The following PDK3 variants were observed in gnomAD, a reference collection of about 807,000 sequenced individuals.
PDK3 encodes pyruvate dehydrogenase kinase 3, also known as pyruvate dehydrogenase kinase, isozyme 3.
A neutral mutation model predicts 32.0 loss-of-function variants in PDK3; 12 were observed. That is an observed-to-expected ratio of 0.37 (90% confidence interval 0.24 to 0.61). The LOEUF (loss-of-function observed/expected upper bound fraction) is 0.61, where lower values mean the gene tolerates loss of function less well. Ranked by LOEUF, PDK3 falls within the 20% of genes least tolerant of loss-of-function variation. The probability of loss-of-function intolerance (pLI) is 0.65; values close to 1 mark genes in which losing one functional copy is unlikely to be tolerated. For synonymous variants in PDK3, 122 were observed against 116.3 expected, an observed-to-expected ratio of 1.05 and a Z score of -0.31; for missense variants, 188 against 316.9, an observed-to-expected ratio of 0.59 and a Z score of 3.09.
intron 5 of PDK3, among the ~76,000 whole-genome samples, chrX:24,506,797 C>CCTTCTTT (rs1921989174): frequency 4.0e-5 from 2 of 49,861 alleles, no homozygotes; most frequent in Admixed American, 2.2e-4. Flanking sequence ...TTGTTTTTTT[C>CCTTCTTT]TTTCTTTTTT....
At chrX:24,477,296 T>C (rs1206892912) in intron 1 of PDK3, among the ~76,000 whole-genome samples, 1 of 111,909 alleles carries the variant, frequency 8.9e-6, no homozygotes, top group Non-Finnish European at 1.9e-5. Context: ...TTGGGTTTTT[T>C]GTCTGCTTTT....
intron 1 of PDK3, among the ~76,000 whole-genome samples, chrX:24,483,736 A>G (rs948805061): frequency 4.5e-5 from 5 of 111,665 alleles, no homozygotes; most frequent in Non-Finnish European, 9.4e-5. Flanking sequence ...TATGTGACAC[A>G]GGCTCTCACT....
chrX:24,538,893 T>G (rs947516043), downstream of PDK3, among the ~76,000 whole-genome samples: 5 of 112,172 alleles, frequency 4.5e-5, no homozygotes, highest in African/African-American at 1.6e-4. Context: ...AACCTCATAG[T>G]TTTTAGCAGT....
At chrX:24,479,836 C>G (rs1921206768) in intron 1 of PDK3, among the ~76,000 whole-genome samples, 1 of 110,994 alleles carries the variant, frequency 9.0e-6, no homozygotes, top group African/African-American at 3.3e-5. Flanking sequence ...GAAAAAGATT[C>G]AATAGATTCG....
chrX:24,484,300 T>A (rs1921343655), intron 1 of PDK3, among the ~76,000 whole-genome samples: 1 of 111,905 alleles, frequency 8.9e-6, no homozygotes, highest in Non-Finnish European at 1.9e-5. Flanking sequence ...TGAGCCACCA[T>A]GCCCAGCCAG....
At chrX:24,524,625 C>T (rs1216095032) in intron 6 of PDK3, among the ~76,000 whole-genome samples, 1 of 111,428 alleles carries the variant, frequency 9.0e-6, no homozygotes, top group Non-Finnish European at 1.9e-5. Context: ...GTTATAATGT[C>T]ACCAACACTT....
exon 12 of PDK3, among the ~76,000 whole-genome samples, chrX:24,543,497 T>G (rs945505787): frequency 2.7e-5 from 3 of 111,519 alleles, no homozygotes; most frequent in African/African-American, 9.8e-5. Flanking sequence ...TCACCCAGGC[T>G]GGAGTGCAGT....
chrX:24,484,845 C>CCT (rs56683164), intron 1 of PDK3, among the ~76,000 whole-genome samples: 2,226 of 105,294 alleles, frequency 0.021, 56 homozygotes, highest in South Asian at 0.2. Context: ...CATCCCTATT[C>CCT]CTCTCTCTCT....
In PDK3 at chrX:24,531,731, C is replaced by T; in HGVS notation, c.1038C>T (p.Ser346=). 8.4e-7 allele frequency: 1 copy of T among 1,186,328 alleles called. No individual in the cohort carries two copies. The highest frequency in any genetic ancestry group is 1.1e-6 in the Non-Finnish European group (1 of 872,732). ...RYFQGDLKLY[S]MEGVGTDAVI... ...TTCAAGGAGATCTGAAACTGTATTC[C>T]ATGGAAGGAGTGGGTACTGATGCTG... The change falls in exon 10 of 11, where the codon TCC becomes TCT. Residue 346 remains serine, a synonymous_variant. Transcript: ENST00000379162.
chrX:24,544,236 C>T (rs1055364411), exon 12 of PDK3, among the ~76,000 whole-genome samples: 1 of 111,079 alleles, frequency 9.0e-6, no homozygotes, highest in African/African-American at 3.3e-5. Context: ...ATCCTCTGCC[C>T]TGGGGGTGGC....
intron 9 of PDK3, among the ~76,000 whole-genome samples, chrX:24,529,874 CTTT>C (rs1922610835): frequency 1.8e-5 from 2 of 112,126 alleles, no homozygotes; most frequent in Admixed American, 9.4e-5. Context: ...ACTTTTACAC[CTTT>C]TACACCTCTG....
At chrX:24,466,666 A>T (rs776751441) in intron 1 of PDK3, among the ~76,000 whole-genome samples, 1 of 110,737 alleles carries the variant, frequency 9.0e-6, no homozygotes, top group South Asian at 3.9e-4. Context: ...GGAAGAGAGG[A>T]ATAGGTTAAA....
chrX:24,485,664 A>G (rs1237922834), intron 1 of PDK3, among the ~76,000 whole-genome samples: 1 of 112,127 alleles, frequency 8.9e-6, no homozygotes, highest in Non-Finnish European at 1.9e-5. Flanking sequence ...CCTATCGGCA[A>G]GGTAAAGGAC....
At chrX:24,501,325 A>G (rs1477101356) in intron 3 of PDK3, among the ~76,000 whole-genome samples, 1 of 112,853 alleles carries the variant, frequency 8.9e-6, no homozygotes, top group Non-Finnish European at 1.9e-5. Context: ...GTCCATCTTC[A>G]GATAGTTCAT....
At chrX:24,524,192 A>G (rs1203233225) in intron 6 of PDK3, among the ~76,000 whole-genome samples, 1 of 112,348 alleles carries the variant, frequency 8.9e-6, no homozygotes, top group African/African-American at 3.2e-5. Context: ...TGCATCTAAG[A>G]AAGGGGAAAA....
At chrX:24,537,635 A>G (rs746116980), downstream of PDK3, among the ~76,000 whole-genome samples, 8 of 111,231 alleles carry the variant, frequency 7.2e-5, no homozygotes, top group Admixed American at 4.8e-4. Context: ...AATTGTATAT[A>G]TTTCTTATTA....
exon 12 of PDK3, chrX:24,539,505 C>T (rs1369810068): frequency 5.5e-6 from 1 of 180,603 alleles, no homozygotes; most frequent in Non-Finnish European, 1.0e-5. Context: ...ATTCTGTGCG[C>T]CTTTCCCATT....
intron 5 of PDK3, among the ~76,000 whole-genome samples, chrX:24,510,315 C>T (rs1237066445): frequency 8.9e-6 from 1 of 112,346 alleles, no homozygotes; most frequent in Non-Finnish European, 1.9e-5. Context: ...CGATAGTAAT[C>T]ACATTTTACG....
At chrX:24,530,500 C>G (rs758997506) in intron 9 of PDK3, among the ~76,000 whole-genome samples, 14 of 111,718 alleles carry the variant, frequency 1.3e-4, no homozygotes, top group African/African-American at 3.9e-4. Context: ...AAAACATGGT[C>G]TCAAAGAGGT....
Sources: gnomAD v4.1 joint callset for allele counts (sites outside exome capture counted in the v4.1 genomes callset) on GRCh38, gnomAD v4.1.1 for gene constraint, MANE v1.5 for transcripts, NCBI Gene and HGNC (gene_info 2026-07-23, HGNC 2026-07-21) for gene names.